NELL2: variants seen among roughly 807,000 people sequenced by gnomAD.
The protein encoded by NELL2 is protein kinase C-binding protein NELL2.
A neutral mutation model predicts 109.6 loss-of-function variants in NELL2; 41 were observed. The observed-to-expected ratio is 0.37, with a 90% confidence interval of 0.29 to 0.49. The LOEUF (loss-of-function observed/expected upper bound fraction) is 0.49, where lower values mean the gene tolerates loss of function less well. NELL2 is among the 20% of genes least tolerant of loss of function. NELL2 has a pLI of 0.98. For missense variants in NELL2, 900 were observed against 1,008.3 expected (o/e 0.89, Z 1.45); for synonymous variants, 355 against 344.7 (o/e 1.03, Z -0.33).
Position 44,684,794 on chromosome 12 carries a change from A to G in NELL2, c.1318+18932T>C, listed in dbSNP as rs537401890. The stretch of plus-strand genomic sequence containing the variant: ...TGTGGTCTGAGAGATAGTTTGTTAT[A>G]ATTTCTGTTCTTTTACATTTGCTGA... On this transcript the variant is annotated intron_variant, in intron 12 of 19. Coordinates refer to ENST00000429094, the MANE Select transcript of NELL2 (RefSeq NM_001145108.2). Among the ~76,000 whole-genome samples, 1,032 of 152,028 alleles carry G rather than the reference A, an allele frequency of 6.8e-3. 9 individuals are homozygous for G. The highest frequency in any genetic ancestry group is 0.011 in the Non-Finnish European group (764 of 67,964).
chr12:44,684,149 G>C (rs1038073779), intron 12 of NELL2, among the ~76,000 whole-genome samples: 15 of 152,220 alleles, frequency 9.9e-5, no homozygotes, highest in Non-Finnish European at 2.1e-4. Context: ...AGTCTTGGGA[G>C]ACTGCATGTG....
chr12:44,707,859 G>A (rs1377421920), intron 11 of NELL2, among the ~76,000 whole-genome samples: 1 of 152,164 alleles, frequency 6.6e-6, no homozygotes, highest in East Asian at 1.9e-4. Flanking sequence ...AATCATGAAG[G>A]TGATAATTGA....
In NELL2 at chr12:44,636,345, C is replaced by T. The variant is rs141432951; in HGVS notation, c.1445-25375G>A. 1.2e-3 allele frequency among the ~76,000 whole-genome samples: 185 copies of T among 152,242 alleles called. 3 individuals are homozygous for T. The East Asian group carries it at 0.026, about 22-fold the overall frequency. On this transcript the variant is annotated intron_variant, in intron 13 of 19. Transcript: ENST00000429094. The stretch of plus-strand genomic sequence containing the variant: ...GTTGAATAGGAGTGATGAGAGAGGG[C>T]ATCCTTGTCTTGTACCAGTTTTCAA...
intron 2 of NELL2, among the ~76,000 whole-genome samples, chr12:44,871,213 G>A (rs1051811883): frequency 1.3e-5 from 2 of 151,986 alleles, no homozygotes; most frequent in African/African-American, 4.8e-5. Context: ...GTTTCCCTGA[G>A]CCTGAGACTC....
At chr12:44,778,169 T>C (rs1236132631) in intron 5 of NELL2, among the ~76,000 whole-genome samples, 1 of 152,198 alleles carries the variant, frequency 6.6e-6, no homozygotes, top group Non-Finnish European at 1.5e-5. Flanking sequence ...AAATATCTAA[T>C]GATAGGAATA....
At chr12:44,646,471 A>G (rs1393903960) in intron 13 of NELL2, among the ~76,000 whole-genome samples, 3 of 152,250 alleles carry the variant, frequency 2.0e-5, no homozygotes, top group Admixed American at 1.3e-4. Context: ...TTATAAATAC[A>G]TACTCATGAT....
At chr12:44,783,862 T>C (rs1318984585) in intron 3 of NELL2, among the ~76,000 whole-genome samples, 1 of 151,854 alleles carries the variant, frequency 6.6e-6, no homozygotes, top group Non-Finnish European at 1.5e-5. Flanking sequence ...CAGATAAAGA[T>C]AGTACAAAAA....
At chr12:44,729,166 T>C (rs1939232671) in intron 9 of NELL2, among the ~76,000 whole-genome samples, 1 of 152,048 alleles carries the variant, frequency 6.6e-6, no homozygotes, top group Non-Finnish European at 1.5e-5. Flanking sequence ...ATAACAACTA[T>C]AAAAATATGT....
At chr12:44,688,916 A>G (rs958902621) in intron 12 of NELL2, among the ~76,000 whole-genome samples, 1 of 152,240 alleles carries the variant, frequency 6.6e-6, no homozygotes, top group Non-Finnish European at 1.5e-5. Context: ...CTTGTTTAAC[A>G]TTGGTGGCTA....
chr12:44,859,402 A>G (rs1944773262), intron 2 of NELL2, among the ~76,000 whole-genome samples: 2 of 152,304 alleles, frequency 1.3e-5, no homozygotes, highest in African/African-American at 4.8e-5. Flanking sequence ...TTAGCTGGGC[A>G]TAACGGCAGG....
chr12:44,898,910 T>A (rs529960666), intron 1 of NELL2, among the ~76,000 whole-genome samples: 1 of 152,042 alleles, frequency 6.6e-6, no homozygotes, highest in African/African-American at 2.4e-5. Context: ...GAGAAGAACA[T>A]AAATGACCTA....
intron 15 of NELL2, among the ~76,000 whole-genome samples, chr12:44,601,770 T>C (rs967779406): frequency 5.9e-5 from 9 of 152,096 alleles, no homozygotes; most frequent in African/African-American, 9.7e-5. Context: ...AACAAACCCA[T>C]GAGATAGATA....
upstream of NELL2, chr12:44,876,898 G>A (rs2136851484): frequency 1.6e-6 from 2 of 1,271,446 alleles, no homozygotes; most frequent in East Asian, 3.1e-5. Context: ...GTGTCCTGGT[G>A]GAGAGGTTCC....
At chr12:44,644,201 G>A (rs1427422102) in intron 13 of NELL2, among the ~76,000 whole-genome samples, 2 of 151,930 alleles carry the variant, frequency 1.3e-5, no homozygotes, top group African/African-American at 4.8e-5. Context: ...TGTAGCAGCA[G>A]AAGAAAAAAA....
At chr12:44,538,396 C>T (rs1460068719) in intron 15 of NELL2, among the ~76,000 whole-genome samples, 1 of 152,234 alleles carries the variant, frequency 6.6e-6, no homozygotes, top group Non-Finnish European at 1.5e-5. Context: ...AATATGTGCA[C>T]ATTCCATGCC....
intron 3 of NELL2, among the ~76,000 whole-genome samples, chr12:44,804,989 T>C (rs191857807): frequency 7.9e-5 from 12 of 151,914 alleles, no homozygotes; most frequent in Middle Eastern, 3.4e-3. Context: ...TCTTTTACAA[T>C]TAGAAAATAT....
intron 12 of NELL2, among the ~76,000 whole-genome samples, chr12:44,683,756 C>A (rs982517332): frequency 8.5e-5 from 13 of 152,188 alleles, no homozygotes; most frequent in Non-Finnish European, 1.9e-4. Flanking sequence ...AGCCTTGCAT[C>A]CCAGGGATGA....
intron 15 of NELL2, among the ~76,000 whole-genome samples, chr12:44,536,100 T>C (rs1346202227): frequency 1.3e-5 from 2 of 151,976 alleles, no homozygotes; most frequent in African/African-American, 4.8e-5. Flanking sequence ...GAAAATGTGC[T>C]TGAATTGACA....
At chr12:44,664,659 T>A (rs1440839076) in intron 13 of NELL2, among the ~76,000 whole-genome samples, 2 of 152,118 alleles carry the variant, frequency 1.3e-5, no homozygotes, top group Non-Finnish European at 2.9e-5. Flanking sequence ...GAGAAATAGG[T>A]GACAAGAATA....
Sources: allele counts gnomAD v4.1 joint callset (sites outside exome capture counted in the v4.1 genomes callset), GRCh38; gene constraint gnomAD v4.1.1; transcripts MANE v1.5; gene names NCBI Gene and HGNC (gene_info 2026-07-23, HGNC 2026-07-21).